Variants in AFDN observed in about 807,000 individuals in gnomAD.
AFDN encodes afadin.
AFDN carries 68 observed loss-of-function variants against 216.6 expected under a neutral mutation model. The observed-to-expected ratio is 0.31, with a 90% CI of 0.26 to 0.38. The LOEUF (loss-of-function observed/expected upper bound fraction) is 0.38, where lower values mean the gene tolerates loss of function less well. AFDN is among the 10% of genes least tolerant of loss of function. The probability of loss-of-function intolerance (pLI) is 1.00; values close to 1 mark genes in which losing one functional copy is unlikely to be tolerated. For synonymous variants in AFDN, 868 were observed against 853.7 expected (o/e 1.02, Z -0.29); for missense variants, 2,136 against 2,342.0 (o/e 0.91, Z 1.82).
At chr6:167,859,106 C>T (rs1384608894) in intron 1 of AFDN, among the ~76,000 whole-genome samples, 4 of 129,034 alleles carry the variant, frequency 3.1e-5, no homozygotes, top group Admixed American at 8.1e-5. Context: ...TCAAATGCTT[C>T]CAGGTATATT....
Position 167,864,539 on chromosome 6 carries a change from GT to G in AFDN, c.106-8del. 1 of 1,603,972 alleles carries G rather than the reference GT, an allele frequency of 6.2e-7. No individual in the cohort carries two copies. The highest frequency in any genetic ancestry group is 8.5e-7 in the Non-Finnish European group (1 of 1,174,576). On this transcript the variant is annotated splice_polypyrimidine_tract_variant and intron_variant, in intron 1 of 33. Coordinates refer to ENST00000683244, the MANE Select transcript of AFDN (RefSeq NM_001386888.1). ...TTGTTTTCCAAAAATGTACCATTTT[GT>G]TTTCTTTTAGGATTTGGAGTTCCAT...
chr6:167,883,666 C>A (rs1786428645), intron 6 of AFDN, among the ~76,000 whole-genome samples: 1 of 152,140 alleles, frequency 6.6e-6, no homozygotes, highest in Non-Finnish European at 1.5e-5. Context: ...AAAAAATGGA[C>A]CTACCTTAAT....
chr6:167,856,349 G>A (rs1562559312), intron 1 of AFDN, among the ~76,000 whole-genome samples: 1 of 151,980 alleles, frequency 6.6e-6, no homozygotes, highest in Non-Finnish European at 1.5e-5. Flanking sequence ...TGTGCTAGTT[G>A]CCATAGCAGA....
chr6:167,889,583 C>G (rs945890194), intron 7 of AFDN, among the ~76,000 whole-genome samples: 1 of 149,626 alleles, frequency 6.7e-6, no homozygotes, highest in Non-Finnish European at 1.5e-5. Context: ...ACAGGCTCCG[C>G]CCCCATGCCC....
intron 30 of AFDN, among the ~76,000 whole-genome samples, chr6:167,961,909 G>A (rs77938219): frequency 0.016 from 2,474 of 152,262 alleles, 67 homozygotes; most frequent in African/African-American, 0.057. Context: ...CTTGGTCCCC[G>A]GGAAAGATGG....
intron 6 of AFDN, among the ~76,000 whole-genome samples, chr6:167,882,043 G>T (rs751339194): frequency 6.6e-6 from 1 of 152,064 alleles, no homozygotes; most frequent in Non-Finnish European, 1.5e-5. Context: ...TTAAAACGGG[G>T]ACAGATAACA....
intron 1 of AFDN, among the ~76,000 whole-genome samples, chr6:167,838,850 A>G (rs1291319877): frequency 1.3e-5 from 2 of 152,172 alleles, no homozygotes; most frequent in Non-Finnish European, 2.9e-5. Context: ...GATTTTAAGA[A>G]CCACATATTA....
Position 167,922,838 on chromosome 6 carries a change from T to C in AFDN, c.2909-18T>C, listed in dbSNP as rs766737195. 7.2e-6 allele frequency: 11 copies of C among 1,529,432 alleles called. No individual in the cohort carries two copies. The highest frequency in any genetic ancestry group is 9.9e-6 in the Non-Finnish European group (11 of 1,107,442). 94.7% of individuals were successfully genotyped at this position (1,529,432 alleles called of 1,614,324 possible). ...AAGATGTGCTTTTTCACTTACAATTTGCTTGTTTCCTCCTTAGGATTTTGC... is the reference window on the plus strand; with the variant it reads ...AAGATGTGCTTTTTCACTTACAATTCGCTTGTTTCCTCCTTAGGATTTTGC... On this transcript the variant is annotated intron_variant, in intron 21 of 33. Transcript: ENST00000683244.
chr6:167,902,251 A>C, intron 11 of AFDN, 66 bp from the exon 12 acceptor site: 2 of 1,185,758 alleles, frequency 1.7e-6, no homozygotes, highest in South Asian at 1.3e-5. Flanking sequence ...CTTGTGTATT[A>C]AGAAGAGACT....
At chr6:167,947,080 A>T (rs1426094965) in intron 27 of AFDN, among the ~76,000 whole-genome samples, 179 bp downstream of exon 27, 1 of 152,238 alleles carries the variant, frequency 6.6e-6, no homozygotes, top group East Asian at 1.9e-4. Flanking sequence ...TAAGATGGAA[A>T]AACTTTAGAT....
At chr6:167,946,310 G>A (rs1795251234) in intron 26 of AFDN, among the ~76,000 whole-genome samples, 1 of 152,244 alleles carries the variant, frequency 6.6e-6, no homozygotes, top group South Asian at 2.1e-4. Context: ...GCCAGGAGCG[G>A]AAGGCTCACG....
At chr6:167,905,808 A>G (rs1789591828) in intron 12 of AFDN, among the ~76,000 whole-genome samples, 1 of 152,148 alleles carries the variant, frequency 6.6e-6, no homozygotes. Flanking sequence ...TTGTGTTTCT[A>G]TAAATCTGTC....
At chr6:167,968,414 T>C (rs1345440468) in intron 32 of AFDN, 1 of 152,466 alleles carries the variant, frequency 6.6e-6, no homozygotes, top group Non-Finnish European at 1.5e-5. Context: ...GGTCCTTTTG[T>C]AGAAGAGGAG....
At chr6:167,916,646 A>G (rs1397811013) in intron 19 of AFDN, among the ~76,000 whole-genome samples, 1 of 151,906 alleles carries the variant, frequency 6.6e-6, no homozygotes, top group Admixed American at 6.6e-5. Context: ...AAAACCTAGG[A>G]CTTTTTTTTT....
rs1238725163 is a variant in AFDN at position 167,943,440 on chromosome 6, G to A, written c.3204G>A (p.Val1068=). ...CTGCAGGTGATCAGCTCCTCAGTGTGGATGGACGAAGTCTGGTTGGACTCT... is the reference window on the plus strand; with the variant it reads ...CTGCAGGTGATCAGCTCCTCAGTGTAGATGGACGAAGTCTGGTTGGACTCT... The part of the protein sequence containing the change: ...RLAAGDQLLS[V]DGRSLVGLSQ... Residue 1068 remains valine, a synonymous_variant, in exon 25 of 34, where the codon GTG becomes GTA. Transcript: ENST00000683244. 1 of 1,613,984 alleles carries A rather than the reference G, an allele frequency of 6.2e-7. No homozygotes were observed. Among genetic ancestry groups the A allele is most frequent in the Non-Finnish European group, 8.5e-7 (1 of 1,179,994 alleles).
intron 31 of AFDN, chr6:167,964,479 C>A: frequency 1.9e-6 from 2 of 1,065,680 alleles, no homozygotes; most frequent in Non-Finnish European, 2.3e-6. Flanking sequence ...AGATGAGAGT[C>A]TTTCCTTCAG....
chr6:167,917,093 C>T lies in AFDN; in HGVS notation c.2570C>T (p.Thr857Met), dbSNP rs767203884. 2.0e-5 allele frequency: 33 copies of T among 1,611,650 alleles called. No individual in the cohort carries two copies. Among genetic ancestry groups the T allele is most frequent in the Middle Eastern group, 1.6e-4 (1 of 6,080 alleles). ...GTCCTTTATTCTTTTACATAGGCAA[C>T]GACTTTGCTTACCATGGATAAGTAT... ...DCHLSRIVQA[T>M]TLLTMDKYAP... The change falls in exon 20 of 34, where the codon ACG becomes ATG. Residue 857 changes from threonine (T) to methionine (M), a missense_variant. This residue lies in a region of AFDN where 162 missense variants were observed against 182.6 expected (regional missense o/e 0.89). Coordinates refer to ENST00000683244, the MANE Select transcript of AFDN (RefSeq NM_001386888.1).
At chr6:167,966,432 C>T (rs1797571379) in intron 32 of AFDN, among the ~76,000 whole-genome samples, 1 of 152,192 alleles carries the variant, frequency 6.6e-6, no homozygotes, top group Non-Finnish European at 1.5e-5. Flanking sequence ...TCCTCCTCTG[C>T]CTCTGATTGT....
chr6:167,834,342 C>CAT (rs1027083078), intron 1 of AFDN, among the ~76,000 whole-genome samples: 1 of 151,316 alleles, frequency 6.6e-6, no homozygotes, highest in African/African-American at 2.4e-5. Flanking sequence ...GGAGCGAGAA[C>CAT]ATATGTTTGG....
Sources: allele counts gnomAD v4.1 joint callset (sites outside exome capture counted in the v4.1 genomes callset), GRCh38; gene constraint gnomAD v4.1.1; regional missense constraint gnomAD v4.1.1; transcripts MANE v1.5; gene names NCBI Gene and HGNC (gene_info 2026-07-23, HGNC 2026-07-21).